ETV6: variants seen among roughly 807,000 people sequenced by gnomAD.
ETV6 encodes the protein transcription factor ETV6.
ETV6 carries 16 observed loss-of-function variants against 51.1 expected under a neutral mutation model. The observed-to-expected ratio is 0.31, with a 90% CI of 0.21 to 0.48. The LOEUF (loss-of-function observed/expected upper bound fraction) is 0.48. Among genes scored for constraint, ETV6 ranks in the 20% least tolerant of loss-of-function variants. ETV6 has a pLI of 0.99. For synonymous variants in ETV6, 240 were observed against 224.1 expected, an observed-to-expected ratio of 1.07 and a Z score of -0.64; for missense variants, 458 against 594.8, an observed-to-expected ratio of 0.77 and a Z score of 2.39.
intron 1 of ETV6, among the ~76,000 whole-genome samples, chr12:11,661,631 C>T (rs1008397637): frequency 4.6e-5 from 7 of 152,262 alleles, no homozygotes; most frequent in African/African-American, 1.7e-4. Flanking sequence ...GTCCCCTGGA[C>T]AACAGCCAGC....
intron 1 of ETV6, among the ~76,000 whole-genome samples, chr12:11,674,859 T>C (rs1347217606): frequency 3.3e-5 from 5 of 152,162 alleles, no homozygotes; most frequent in African/African-American, 1.2e-4. Context: ...TCTTTGGCTG[T>C]GTCCGGATCC....
intron 1 of ETV6, among the ~76,000 whole-genome samples, chr12:11,726,896 C>T (rs1273427767): frequency 2.0e-5 from 3 of 152,240 alleles, no homozygotes; most frequent in Non-Finnish European, 4.4e-5. Flanking sequence ...CACACATACA[C>T]TTCACTTCAT....
chr12:11,892,755 C>CTGAGT lies in ETV6; in HGVS notation c.*1715_*1719dup, dbSNP rs1426856900. 8.6e-6 allele frequency: 2 copies of CTGAGT among 232,938 alleles called. No homozygotes were observed. The highest frequency in any genetic ancestry group is 4.4e-5 in the African/African-American group (2 of 45,324). 14.4% of individuals were successfully genotyped at this position (232,938 alleles called of 1,614,324 possible). ...CCCCTGGGCTTCTCCCCAGCTTTTT[C>CTGAGT]TGAGTTGAGTCAGACATGTAGAGTT... On this transcript the variant is annotated 3_prime_UTR_variant, in exon 8 of 8. Transcript: ENST00000396373.
intron 1 of ETV6, among the ~76,000 whole-genome samples, chr12:11,726,838 G>T (rs1271740527): frequency 6.6e-6 from 1 of 152,176 alleles, no homozygotes; most frequent in African/African-American, 2.4e-5. Context: ...GCAGAGAAAT[G>T]ACTCCTGTTT....
rs72552353 is a variant in ETV6, at chr12:11,891,827, C to G, written c.*781C>G. ...GTGGCCAGCAGCACAGAATCAAACC[C>G]GCATCCCAGCATTGGGCCACCCATC... is the stretch of plus-strand genomic sequence containing the variant. On this transcript the variant is annotated 3_prime_UTR_variant, in exon 8 of 8. Coordinates refer to ENST00000396373, the MANE Select transcript of ETV6 (RefSeq NM_001987.5). 4.9e-3 allele frequency: 1,651 copies of G among 333,584 alleles called. 43 individuals are homozygous for G. In the East Asian group the frequency reaches 0.061, roughly 12 times the overall value. The allele number at this position is 333,584 out of a possible 1,614,324, so 20.7% of individuals were successfully genotyped here. A position where few individuals can be genotyped will look rare whatever the true frequency, so the allele number is the denominator to read the frequency against.
intron 2 of ETV6, among the ~76,000 whole-genome samples, chr12:11,836,692 C>T (rs991292847): frequency 4.6e-5 from 7 of 152,110 alleles, no homozygotes; most frequent in Non-Finnish European, 1.0e-4. Flanking sequence ...CATCCCCCAC[C>T]CCCTTCTCAC....
intron 3 of ETV6, among the ~76,000 whole-genome samples, chr12:11,848,365 A>T (rs187557283): frequency 7.9e-5 from 12 of 152,340 alleles, no homozygotes; most frequent in South Asian, 4.1e-4. Flanking sequence ...CAGAGCCCAA[A>T]TTCTTTCCTC....
intron 1 of ETV6, among the ~76,000 whole-genome samples, chr12:11,683,022 C>T (rs955315510): frequency 1.3e-5 from 2 of 152,158 alleles, no homozygotes; most frequent in South Asian, 2.1e-4. Flanking sequence ...CTTAAAGATT[C>T]CTCCTTGAGT....
intron 1 of ETV6, among the ~76,000 whole-genome samples, chr12:11,660,298 G>A (rs188553657): frequency 1.1e-3 from 160 of 152,328 alleles, no homozygotes; most frequent in African/African-American, 3.8e-3. Flanking sequence ...GAAGTATTAT[G>A]GAGACTTCAT....
At chr12:11,660,202 A>G (rs1033620745) in intron 1 of ETV6, among the ~76,000 whole-genome samples, 3 of 152,238 alleles carry the variant, frequency 2.0e-5, no homozygotes, top group African/African-American at 4.8e-5. Context: ...AACAAAAAAA[A>G]TCAAAGAGAC....
At chr12:11,752,797 C>A in intron 2 of ETV6, 1 of 440,356 alleles carries the variant, frequency 2.3e-6, no homozygotes, top group Non-Finnish European at 3.9e-6. Flanking sequence ...TCTTCCCTGA[C>A]TATGACATGT....
At chr12:11,844,981 G>A (rs549626160) in intron 3 of ETV6, among the ~76,000 whole-genome samples, 78 of 152,128 alleles carry the variant, frequency 5.1e-4, no homozygotes, top group African/African-American at 1.7e-3. Context: ...ACAGGCGTGC[G>A]CCACAACACC....
chr12:11,848,403 AC>A (rs771151976), intron 3 of ETV6, among the ~76,000 whole-genome samples: 2 of 152,082 alleles, frequency 1.3e-5, no homozygotes, highest in African/African-American at 2.4e-5. Flanking sequence ...AATAAATTTA[AC>A]CCCCCTCAAC....
chr12:11,757,882 TC>T (rs1945030213), intron 2 of ETV6, among the ~76,000 whole-genome samples: 1 of 152,188 alleles, frequency 6.6e-6, no homozygotes, highest in Non-Finnish European at 1.5e-5. Flanking sequence ...TAACAGCCTG[TC>T]CCTGTGGATG....
intron 1 of ETV6, among the ~76,000 whole-genome samples, chr12:11,743,716 T>C (rs1394301321): frequency 1.3e-5 from 2 of 152,182 alleles, no homozygotes; most frequent in Non-Finnish European, 2.9e-5. Flanking sequence ...AAAAGATAAA[T>C]CACAGGGCAA....
intron 1 of ETV6, among the ~76,000 whole-genome samples, chr12:11,748,171 A>G (rs1462093237): frequency 6.6e-6 from 1 of 152,204 alleles, no homozygotes; most frequent in Non-Finnish European, 1.5e-5. Flanking sequence ...AATGGGATGA[A>G]AGCATGCCTG....
chr12:11,669,935 G>A (rs1565480050), intron 1 of ETV6, among the ~76,000 whole-genome samples: 2 of 151,266 alleles, frequency 1.3e-5, no homozygotes, highest in African/African-American at 2.5e-5. Context: ...TTCTTCCCCG[G>A]CGGCCATTCA....
intron 2 of ETV6, chr12:11,752,808 T>TA (rs368540572): frequency 5.8e-3 from 2,165 of 374,172 alleles, no homozygotes; most frequent in Middle Eastern, 9.7e-3. Context: ...TATGACATGT[T>TA]AAAAAAAAAA....
chr12:11,861,753 T>G (rs1946721682), intron 4 of ETV6, among the ~76,000 whole-genome samples: 1 of 152,148 alleles, frequency 6.6e-6, no homozygotes, highest in African/African-American at 2.4e-5. Context: ...AAGCCCTCAG[T>G]TAAGGGGTCA....
Sources: allele counts gnomAD v4.1 joint callset (sites outside exome capture counted in the v4.1 genomes callset), GRCh38; gene constraint gnomAD v4.1.1; transcripts MANE v1.5; gene names NCBI Gene and HGNC (gene_info 2026-07-23, HGNC 2026-07-21).